Variants in SORCS3 observed in about 807,000 individuals in gnomAD.
SORCS3 encodes the protein sortilin related VPS10 domain containing receptor 3.
Under a neutral mutation model 146.3 loss-of-function variants are expected in SORCS3, and 57 were observed. That is an observed-to-expected ratio of 0.39 (90% CI 0.31 to 0.49). The LOEUF (loss-of-function observed/expected upper bound fraction) is 0.49, where lower values mean the gene tolerates loss of function less well. Ranked by LOEUF, SORCS3 falls within the 20% of genes least tolerant of loss-of-function variation. SORCS3 has a pLI of 0.92. For missense variants in SORCS3, 1,341 were observed against 1,575.5 expected, an observed-to-expected ratio of 0.85 and a Z score of 2.52; for synonymous variants, 653 against 618.5, an observed-to-expected ratio of 1.06 and a Z score of -0.83.
chr10:105,007,752 G>T (rs11192272), intron 4 of SORCS3, among the ~76,000 whole-genome samples: 34,970 of 151,894 alleles, frequency 0.23, 4,633 homozygotes, highest in African/African-American at 0.35. Context: ...AGTTATAGGA[G>T]TGCTTACTAG....
chr10:104,932,101 C>G (rs1351969962), intron 3 of SORCS3, among the ~76,000 whole-genome samples: 1 of 152,178 alleles, frequency 6.6e-6, no homozygotes, highest in Non-Finnish European at 1.5e-5. Context: ...GATCCCAAAT[C>G]ACAGAACATC....
intron 14 of SORCS3, among the ~76,000 whole-genome samples, chr10:105,192,181 A>G (rs1388689887): frequency 6.6e-6 from 1 of 152,114 alleles, no homozygotes; most frequent in Non-Finnish European, 1.5e-5. Context: ...TTTATGAATC[A>G]TTTTGTTTCT....
intron 3 of SORCS3, among the ~76,000 whole-genome samples, chr10:104,964,506 G>A (rs1018419726): frequency 6.6e-6 from 1 of 152,122 alleles, no homozygotes; most frequent in South Asian, 2.1e-4. Flanking sequence ...CAGAATGTAA[G>A]CTCTATGAGG....
At chr10:104,735,665 GC>G (rs2016762934) in intron 1 of SORCS3, among the ~76,000 whole-genome samples, 1 of 151,920 alleles carries the variant, frequency 6.6e-6, no homozygotes, top group Non-Finnish European at 1.5e-5. Context: ...GAAAGCGGCT[GC>G]TGAGCCCCTG....
rs187581728 is a variant in SORCS3 at position 104,726,130 on chromosome 10, C to A, written c.627+84176C>A. ...GCCATCTTTGATCCACCCCAGTCTG[C>A]TCATAGGTCTTTAAAGTAAACAAGT... On this transcript the variant is annotated intron_variant, in intron 1 of 26. Coordinates refer to ENST00000369701, the MANE Select transcript of SORCS3 (RefSeq NM_014978.3). 3.6e-3 allele frequency among the ~76,000 whole-genome samples: 550 copies of A among 152,238 alleles called. 4 individuals are homozygous for A. The highest frequency in any genetic ancestry group is 0.02 in the Middle Eastern group (6 of 294).
chr10:105,224,251 C>T (rs1028480450), intron 20 of SORCS3, among the ~76,000 whole-genome samples: 1 of 152,168 alleles, frequency 6.6e-6, no homozygotes, highest in African/African-American at 2.4e-5. Flanking sequence ...TTACCTGCCT[C>T]CTCCTTAATC....
chr10:105,157,188 G>A lies in SORCS3; in HGVS notation c.1533G>A (p.Gln511=). The part of the protein sequence containing the change: ...IFLANKKVDD[Q]VKTYITYNKG... ...TGGCAAACAAGAAGGTGGACGACCA[G>A]GTGAAGACATACATCACTTACAACA... The change falls in exon 10 of 27, where the codon CAG becomes CAA. Residue 511 remains glutamine (Q), a synonymous_variant. Transcript: ENST00000369701. 1.9e-6 allele frequency: 3 copies of A among 1,614,042 alleles called. No individual in the cohort carries two copies. The highest frequency in any genetic ancestry group is 2.5e-6 in the Non-Finnish European group (3 of 1,179,952).
chr10:104,703,174 G>A (rs1355839003), intron 1 of SORCS3, among the ~76,000 whole-genome samples: 2 of 152,148 alleles, frequency 1.3e-5, no homozygotes, highest in African/African-American at 4.8e-5. Context: ...CAGTTGGATG[G>A]CAGTTTAGAT....
intron 13 of SORCS3, among the ~76,000 whole-genome samples, chr10:105,177,738 A>G (rs1383808489): frequency 6.6e-6 from 1 of 152,062 alleles, no homozygotes; most frequent in African/African-American, 2.4e-5. Context: ...GGCTGAATGG[A>G]TTGTGCTGTA....
intron 2 of SORCS3, among the ~76,000 whole-genome samples, chr10:104,893,729 A>C (rs1336227089): frequency 6.6e-6 from 1 of 152,168 alleles, no homozygotes; most frequent in Non-Finnish European, 1.5e-5. Context: ...TGTCGCAAAG[A>C]ATCTAGCAAT....
At chr10:105,232,926 G>T (rs2056773244) in intron 20 of SORCS3, among the ~76,000 whole-genome samples, 1 of 152,002 alleles carries the variant, frequency 6.6e-6, no homozygotes, top group Non-Finnish European at 1.5e-5. Context: ...GTTAAAGTGT[G>T]TTTTATGGCC....
intron 5 of SORCS3, among the ~76,000 whole-genome samples, chr10:105,063,580 G>T (rs1221728922): frequency 6.6e-6 from 1 of 152,162 alleles, no homozygotes; most frequent in Non-Finnish European, 1.5e-5. Flanking sequence ...ATGCCTTTCG[G>T]TCACACCTAT....
chr10:105,065,709 C>A (rs1250957637), intron 5 of SORCS3, among the ~76,000 whole-genome samples: 2 of 152,150 alleles, frequency 1.3e-5, no homozygotes, highest in Non-Finnish European at 2.9e-5. Context: ...CACACCATGT[C>A]ATTTACTGGC....
intron 14 of SORCS3, among the ~76,000 whole-genome samples, chr10:105,180,694 T>C (rs1421826492): frequency 1.3e-5 from 2 of 152,102 alleles, no homozygotes; most frequent in African/African-American, 4.8e-5. Context: ...ACCACCTGCT[T>C]GGGGCTTTTT....
chr10:105,178,092 G>A lies in SORCS3; in HGVS notation c.1928G>A (p.Trp643Ter). The A allele has an allele frequency of 6.2e-7, 1 of 1,613,426 alleles. No homozygotes were observed. The highest frequency in any genetic ancestry group is 2.2e-5 in the East Asian group (1 of 44,804). ...GTGAGTTTTGATGAGGGCCACTCTT[G>A]GGACAAGTATGGTTTCACTTCGGTT... Reference protein sequence around the residue: ...LWVSFDEGHSWDKYGFTSVPL... With the variant: ...LWVSFDEGHS Residue 643 changes from tryptophan to a stop codon, truncating the protein, a stop_gained, in exon 14 of 27, where the codon TGG (tryptophan) becomes TAG (stop). Coordinates refer to ENST00000369701, the MANE Select transcript of SORCS3 (RefSeq NM_014978.3). LOFTEE classifies it high-confidence loss of function.
chr10:104,650,632 C>G (rs1231683152), intron 1 of SORCS3, among the ~76,000 whole-genome samples: 2 of 152,204 alleles, frequency 1.3e-5, no homozygotes, highest in Non-Finnish European at 2.9e-5. Flanking sequence ...TTCCTTTTTG[C>G]TTCCTTGCTC....
intron 20 of SORCS3, among the ~76,000 whole-genome samples, chr10:105,235,870 A>G (rs1039361595): frequency 5.3e-5 from 8 of 152,118 alleles, no homozygotes; most frequent in Admixed American, 4.6e-4. Context: ...AATAATGCCT[A>G]TCTCAACTTT....
At chr10:105,243,740 C>CTGT (rs552448883) in intron 20 of SORCS3, among the ~76,000 whole-genome samples, 233 of 152,296 alleles carry the variant, frequency 1.5e-3, no homozygotes, top group Non-Finnish European at 1.3e-3. Flanking sequence ...AGGACAGTAT[C>CTGT]TGTAATCCTG....
intron 1 of SORCS3, among the ~76,000 whole-genome samples, chr10:104,678,003 C>T (rs969774812): frequency 6.6e-6 from 1 of 152,134 alleles, no homozygotes; most frequent in Non-Finnish European, 1.5e-5. Context: ...AGGAGGCACA[C>T]CCACTTCCCA....
Sources: allele counts gnomAD v4.1 joint callset (sites outside exome capture counted in the v4.1 genomes callset), GRCh38; gene constraint gnomAD v4.1.1; transcripts MANE v1.5; gene names NCBI Gene and HGNC (gene_info 2026-07-23, HGNC 2026-07-21).